DACH2: variants seen among roughly 807,000 people sequenced by gnomAD.
DACH2 encodes the protein dachshund homolog 2.
DACH2 carries 17 observed loss-of-function variants against 35.8 expected under a neutral mutation model. That is an observed-to-expected ratio of 0.48 (90% confidence interval 0.33 to 0.71). The LOEUF (loss-of-function observed/expected upper bound fraction) is 0.71, where lower values mean the gene tolerates loss of function less well. Ranked by LOEUF, DACH2 falls within the 30% of genes least tolerant of loss-of-function variation. DACH2 has a pLI of 0.02. For missense variants in DACH2, 469 were observed against 472.7 expected, an observed-to-expected ratio of 0.99 and a Z score of 0.07; for synonymous variants, 195 against 177.3, an observed-to-expected ratio of 1.10 and a Z score of -0.79.
At chrX:86,270,674 A>C (rs1409227166) in intron 1 of DACH2, among the ~76,000 whole-genome samples, 1 of 112,240 alleles carries the variant, frequency 8.9e-6, no homozygotes, top group East Asian at 2.8e-4. Context: ...TATTTTCTAC[A>C]TATTTTAGAA....
At chrX:86,157,873 C>T (rs1279194929) in intron 1 of DACH2, among the ~76,000 whole-genome samples, 1 of 110,386 alleles carries the variant, frequency 9.1e-6, no homozygotes, top group Non-Finnish European at 1.9e-5. Flanking sequence ...TATGAGATAT[C>T]CTGCTATACT....
chrX:86,296,242 G>C (rs995386815), intron 1 of DACH2, among the ~76,000 whole-genome samples: 1 of 103,497 alleles, frequency 9.7e-6, no homozygotes, highest in Non-Finnish European at 2.0e-5. Flanking sequence ...TTAGCCGGGC[G>C]TGATGGTGGG....
At chrX:86,747,206 T>G (rs2041722029) in intron 7 of DACH2, among the ~76,000 whole-genome samples, 1 of 111,859 alleles carries the variant, frequency 8.9e-6, no homozygotes, top group African/African-American at 3.2e-5. Context: ...TTAGATCAGT[T>G]TCTGATAAGA....
intron 1 of DACH2, among the ~76,000 whole-genome samples, chrX:86,232,815 A>C (rs2032977932): frequency 8.9e-6 from 1 of 112,232 alleles, no homozygotes. Context: ...TAGAACTATC[A>C]TTCAACCCAG....
chrX:86,447,220 G>C (rs1203340141), intron 2 of DACH2, among the ~76,000 whole-genome samples: 1 of 90,450 alleles, frequency 1.1e-5, no homozygotes, highest in South Asian at 6.4e-4. Context: ...AGTAGGTTGC[G>C]AAAATTTTCT....
chrX:86,384,694 G>T (rs1602461850), intron 2 of DACH2, among the ~76,000 whole-genome samples: 1 of 111,740 alleles, frequency 8.9e-6, no homozygotes, highest in African/African-American at 3.2e-5. Flanking sequence ...AAATGAATCA[G>T]CAATAAAATG....
intron 7 of DACH2, among the ~76,000 whole-genome samples, chrX:86,748,542 C>T (rs1321359969): frequency 4.5e-5 from 5 of 111,579 alleles, no homozygotes; most frequent in African/African-American, 1.6e-4. Context: ...TCTTTTTGAG[C>T]CATAGGTCTC....
chrX:86,767,306 T>A (rs751713830), intron 7 of DACH2, among the ~76,000 whole-genome samples: 1 of 111,783 alleles, frequency 8.9e-6, no homozygotes, highest in African/African-American at 3.2e-5. Context: ...TATACTACTG[T>A]TAATTTGTAT....
intron 3 of DACH2, among the ~76,000 whole-genome samples, chrX:86,610,906 C>G (rs2039935650): frequency 9.0e-6 from 1 of 111,256 alleles, no homozygotes; most frequent in African/African-American, 3.3e-5. Flanking sequence ...TGCTCCCCCA[C>G]CCTGTAGCTA....
intron 4 of DACH2, among the ~76,000 whole-genome samples, chrX:86,676,681 G>A (rs1018488954): frequency 5.4e-5 from 6 of 111,898 alleles, no homozygotes; most frequent in African/African-American, 1.9e-4. Context: ...TTTAATTTGT[G>A]TTTTCAAGAA....
chrX:86,642,737 C>T (rs1315733603), intron 3 of DACH2, among the ~76,000 whole-genome samples: 1 of 111,726 alleles, frequency 9.0e-6, no homozygotes, highest in African/African-American at 3.3e-5. Context: ...TGGAAAAGAA[C>T]CAAAATCATT....
At chrX:86,664,266 T>TA (rs1400973940) in intron 4 of DACH2, among the ~76,000 whole-genome samples, 1 of 111,417 alleles carries the variant, frequency 9.0e-6, no homozygotes, top group African/African-American at 3.3e-5. Context: ...AATAAATATA[T>TA]TTTTGCTTTC....
intron 7 of DACH2, among the ~76,000 whole-genome samples, chrX:86,773,796 C>A (rs761107875): frequency 1.8e-5 from 2 of 111,967 alleles, no homozygotes; most frequent in South Asian, 3.7e-4. Context: ...CATATCAAAG[C>A]CTTTTTGCAT....
chrX:86,555,638 G>A (rs1208767323), intron 3 of DACH2, among the ~76,000 whole-genome samples: 4 of 111,388 alleles, frequency 3.6e-5, no homozygotes, highest in Non-Finnish European at 7.6e-5. Flanking sequence ...GTAAAATTGT[G>A]TTGGGTATCG....
At chrX:86,492,677 C>T (rs2038110415) in intron 2 of DACH2, among the ~76,000 whole-genome samples, 1 of 111,735 alleles carries the variant, frequency 8.9e-6, no homozygotes, top group Non-Finnish European at 1.9e-5. Context: ...ATATTTAGCT[C>T]TCACTTATAA....
intron 3 of DACH2, among the ~76,000 whole-genome samples, chrX:86,558,274 TC>T (rs1476569289): frequency 2.0e-5 from 1 of 50,836 alleles, no homozygotes; most frequent in Non-Finnish European, 3.3e-5. Flanking sequence ...CAGCCTTGCA[TC>T]CCAGCGATGA....
At chrX:86,507,337 T>C (rs1427113977) in intron 2 of DACH2, among the ~76,000 whole-genome samples, 1 of 111,134 alleles carries the variant, frequency 9.0e-6, no homozygotes, top group African/African-American at 3.3e-5. Context: ...ACTTCATTTA[T>C]CAGGCATGGA....
chrX:86,180,202 A>ATATATATATATATATATT lies in DACH2; in HGVS notation c.488+31099_488+31100insATATATATATATTTATAT, dbSNP rs1338071562. ...TATATATATATATATATATATATAT[A>ATATATATATATATATATT]TATATGGTTCTTATAGTAATGTGAA... On this transcript the variant is annotated intron_variant, in intron 1 of 11. Coordinates refer to ENST00000373125, the MANE Select transcript of DACH2 (RefSeq NM_053281.3). Among the ~76,000 whole-genome samples the ATATATATATATATATATT allele has an allele frequency of 1.1e-4, 10 of 89,049 alleles. 1 individual carries two copies. Among genetic ancestry groups the ATATATATATATATATATT allele is most frequent in the African/African-American group, 4.1e-4 (10 of 24,295 alleles). The allele number at this position is 89,049 out of a possible 115,157, so 77.3% of individuals were successfully genotyped here.
At chrX:86,186,851 T>C (rs769797538) in intron 1 of DACH2, among the ~76,000 whole-genome samples, 1 of 111,894 alleles carries the variant, frequency 8.9e-6, no homozygotes, top group Admixed American at 9.5e-5. Flanking sequence ...TTAGGCCATA[T>C]GTGGACTTTC....
Sources: allele counts gnomAD v4.1 joint callset (sites outside exome capture counted in the v4.1 genomes callset), GRCh38; gene constraint gnomAD v4.1.1; transcripts MANE v1.5; gene names NCBI Gene and HGNC (gene_info 2026-07-23, HGNC 2026-07-21).